Variants in MOSPD1 observed in about 807,000 individuals in gnomAD.
MOSPD1 encodes the protein motile sperm domain-containing protein 1.
In MOSPD1, 5 loss-of-function variants were observed where a neutral mutation model predicts 16.7. That is an observed-to-expected ratio of 0.30 (90% CI 0.16 to 0.63). The LOEUF (loss-of-function observed/expected upper bound fraction) is 0.63. MOSPD1 is among the 30% of genes least tolerant of loss of function. MOSPD1 has a pLI of 0.82. For synonymous variants in MOSPD1, 67 were observed against 59.2 expected, an observed-to-expected ratio of 1.13 and a Z score of -0.61; for missense variants, 104 against 153.6, an observed-to-expected ratio of 0.68 and a Z score of 1.71.
At chrX:134,889,223 G>A in intron 5 of MOSPD1, 31 bp from the exon 6 acceptor site, 1 of 1,114,454 alleles carries the variant, frequency 9.0e-7, no homozygotes, top group Non-Finnish European at 1.2e-6. Flanking sequence ...AACAGTTAAA[G>A]GTATGCACCT....
chrX:134,901,423 C>T (rs7053379), intron 1 of MOSPD1, among the ~76,000 whole-genome samples: 2 of 109,111 alleles, frequency 1.8e-5, no homozygotes, highest in East Asian at 2.9e-4. Context: ...CCGAAGCGGG[C>T]GGATCACTTG....
At chrX:134,901,636 A>C (rs749677356) in intron 1 of MOSPD1, among the ~76,000 whole-genome samples, 3 of 107,523 alleles carry the variant, frequency 2.8e-5, no homozygotes, top group African/African-American at 1.0e-4. Flanking sequence ...GTGATAGAGC[A>C]AGACTCTATC....
At chrX:134,898,258 T>G (rs184621487) in intron 3 of MOSPD1, among the ~76,000 whole-genome samples, 100 of 112,109 alleles carry the variant, frequency 8.9e-4, no homozygotes, top group African/African-American at 3.1e-3. Flanking sequence ...AACAATTAGG[T>G]CAAAGTAACA....
Position 134,899,497 on chromosome X carries a change from C to G in MOSPD1, c.-64G>C. The G allele has an allele frequency of 3.8e-6, 4 of 1,039,611 alleles. No homozygotes were observed. Among genetic ancestry groups the G allele is most frequent in the Non-Finnish European group, 3.8e-6 (3 of 791,823 alleles). The allele number at this position is 1,039,611 out of a possible 1,213,427, so 85.7% of individuals were successfully genotyped here. ...AGTCTCAAATCTATTTTGGACTTTT[C>G]TTAGATTCAGTTAAAAACTCCAAAG... On this transcript the variant is annotated 5_prime_UTR_variant, in exon 2 of 6. Coordinates refer to ENST00000370783, the MANE Select transcript of MOSPD1 (RefSeq NM_019556.3).
At chrX:134,891,219 C>G (rs978794778) in intron 5 of MOSPD1, among the ~76,000 whole-genome samples, 1 of 110,867 alleles carries the variant, frequency 9.0e-6, no homozygotes, top group Non-Finnish European at 1.9e-5. Flanking sequence ...ATGCATGCGT[C>G]TTACATTTTA....
At chrX:134,890,458 G>C (rs2082856887) in intron 5 of MOSPD1, among the ~76,000 whole-genome samples, 1 of 110,222 alleles carries the variant, frequency 9.1e-6, no homozygotes, top group Non-Finnish European at 1.9e-5. Context: ...GAAAGAAATA[G>C]GGAGAGAAGG....
rs781542578 is a variant in MOSPD1 at position 134,896,461 on chromosome X, T to C, written c.448+356A>G. ...TTAAATGAGAAAGGATATAGGAAAGTCATGGAAACAAAAGTATAGGAACTG... is the reference window on the plus strand; with the variant it reads ...TTAAATGAGAAAGGATATAGGAAAGCCATGGAAACAAAAGTATAGGAACTG... On this transcript the variant is annotated intron_variant, in intron 4 of 5. Transcript: ENST00000370783. 9.9e-5 allele frequency among the ~76,000 whole-genome samples: 11 copies of C among 111,622 alleles called. 1 individual carries two copies. The South Asian group carries it at 4.1e-3, about 42-fold the overall frequency.
chrX:134,891,345 C>T (rs2082862018), intron 5 of MOSPD1, 134 bp downstream of exon 5: 4 of 572,341 alleles, frequency 7.0e-6, no homozygotes, highest in Non-Finnish European at 1.1e-5. Context: ...TTCAAAGGCA[C>T]CTGACCTCAA....
At chrX:134,896,792 G>T (rs1433665266) in intron 4 of MOSPD1, 25 bp downstream of exon 4, 8 of 1,121,040 alleles carry the variant, frequency 7.1e-6, no homozygotes, top group African/African-American at 1.8e-5. Context: ...ACCTCAAAAG[G>T]GCTTTAAAAA....
At chrX:134,902,173 C>T (rs1436173673) in intron 1 of MOSPD1, among the ~76,000 whole-genome samples, 1 of 110,222 alleles carries the variant, frequency 9.1e-6, no homozygotes, top group African/African-American at 3.3e-5. Context: ...TTTGGGAGGC[C>T]GAGGCGGACA....
chrX:134,892,711 G>A (rs2082867871), intron 4 of MOSPD1, among the ~76,000 whole-genome samples: 1 of 111,650 alleles, frequency 9.0e-6, no homozygotes, highest in Admixed American at 9.6e-5. Context: ...GGCCAACATG[G>A]TGAAACCCCA....
Position 134,896,905 on chromosome X carries a change from T to C in MOSPD1, c.360A>G (p.Ser120=), listed in dbSNP as rs755096775. The change falls in exon 4 of 6, where the codon TCA becomes TCG. Residue 120 remains serine, a synonymous_variant. Transcript: ENST00000370783. ...RKEVVATLLP[S]AKEQQKEEEE... is the part of the protein sequence containing the mutation. ...CTTCTTCCTTTTGTTGTTCTTTTGC[T>C]GATGGGAGAAGAGTAGCAACAACCT... The C allele has an allele frequency of 4.1e-6, 5 of 1,209,976 alleles. No homozygotes were observed. The South Asian group carries it at 7.0e-5, about 17-fold the overall frequency.
chrX:134,894,252 A>C (rs1329194239), intron 4 of MOSPD1, among the ~76,000 whole-genome samples: 2 of 111,805 alleles, frequency 1.8e-5, no homozygotes, highest in Non-Finnish European at 3.8e-5. Flanking sequence ...AATAAACTTA[A>C]ATTTTTTTCT....
intron 1 of MOSPD1, among the ~76,000 whole-genome samples, chrX:134,903,462 A>G (rs2082923261): frequency 9.1e-6 from 1 of 109,934 alleles, no homozygotes; most frequent in African/African-American, 3.3e-5. Flanking sequence ...CTGTAATCCT[A>G]GTGCTTTGGG....
intron 1 of MOSPD1, among the ~76,000 whole-genome samples, chrX:134,901,400 G>A (rs1273334275): frequency 1.8e-5 from 2 of 110,281 alleles, no homozygotes; most frequent in Non-Finnish European, 3.8e-5. Flanking sequence ...TGTAATCCCA[G>A]CACTTTGCGA....
At position 134,896,806 on chromosome X, in the gene MOSPD1, C is replaced by T; in HGVS notation, c.448+11G>A. 8.4e-7 allele frequency: 1 copy of T among 1,195,982 alleles called. No individual in the cohort carries two copies. Among genetic ancestry groups the T allele is most frequent in the Non-Finnish European group, 1.1e-6 (1 of 882,348 alleles). On this transcript the variant is annotated intron_variant, in intron 4 of 5. Coordinates refer to ENST00000370783, the MANE Select transcript of MOSPD1 (RefSeq NM_019556.3). ...GACCTCAAAAGGGCTTTAAAAACAA[C>T]CCAAAACTACCTGGTTGAAACGACT...
chrX:134,906,832 G>A (rs1044710687), intron 1 of MOSPD1, among the ~76,000 whole-genome samples: 1 of 111,766 alleles, frequency 8.9e-6, no homozygotes, highest in African/African-American at 3.2e-5. Flanking sequence ...GCAGGCCCAG[G>A]ATGGTTAAGA....
chrX:134,906,351 T>C (rs1403813304), intron 1 of MOSPD1, among the ~76,000 whole-genome samples: 1 of 107,505 alleles, frequency 9.3e-6, no homozygotes, highest in African/African-American at 3.4e-5. Context: ...GCTAATTTTT[T>C]TTTTTTTTAA....
Position 134,901,247 on chromosome X carries a change from GC to G in MOSPD1, c.-101-1714del, listed in dbSNP as rs199559402. ...CAAGAAGTTCAAGTCTAATTGACAA[GC>G]AAAAATATTGAAGCTACCTCTATTA... On this transcript the variant is annotated intron_variant, in intron 1 of 5. Coordinates refer to ENST00000370783, the MANE Select transcript of MOSPD1 (RefSeq NM_019556.3). 7.6e-4 allele frequency among the ~76,000 whole-genome samples: 85 copies of G among 111,971 alleles called. 1 individual carries two copies. In the East Asian group the frequency reaches 0.02, roughly 27 times the overall value.
Sources: allele counts gnomAD v4.1 joint callset (sites outside exome capture counted in the v4.1 genomes callset), GRCh38; gene constraint gnomAD v4.1.1; transcripts MANE v1.5; gene names NCBI Gene and HGNC (gene_info 2026-07-23, HGNC 2026-07-21).